The following EHBP1 variants were observed in gnomAD, a reference collection of about 807,000 sequenced individuals.
EHBP1 encodes the protein EH domain-binding protein 1.
EHBP1 carries 55 observed loss-of-function variants against 144.0 expected under a neutral mutation model. That is an observed-to-expected ratio of 0.38 (90% CI 0.31 to 0.48). The LOEUF is 0.48. EHBP1 is among the 20% of genes least tolerant of loss of function. The pLI, the probability that EHBP1 is intolerant of heterozygous loss-of-function variation, is 0.98. For missense variants in EHBP1, 1,200 were observed against 1,364.2 expected, an observed-to-expected ratio of 0.88 and a Z score of 1.90; for synonymous variants, 469 against 472.7, an observed-to-expected ratio of 0.99 and a Z score of 0.10.
chr2:62,820,710 G>GGTGTGT (rs374529607), intron 5 of EHBP1, among the ~76,000 whole-genome samples: 2 of 88,712 alleles, frequency 2.3e-5, no homozygotes, highest in Admixed American at 1.3e-4. Flanking sequence ...TATTCCATTG[G>GGTGTGT]GTGTGTGTGT....
At chr2:62,951,013 A>G (rs538864635) in intron 13 of EHBP1, among the ~76,000 whole-genome samples, 36 of 152,264 alleles carry the variant, frequency 2.4e-4, no homozygotes, top group African/African-American at 8.4e-4. Context: ...GCATTTCTCC[A>G]CAACTGTCTC....
At chr2:63,042,289 A>G (rs1028930957) in intron 21 of EHBP1, among the ~76,000 whole-genome samples, 1 of 152,162 alleles carries the variant, frequency 6.6e-6, no homozygotes, top group African/African-American at 2.4e-5. Flanking sequence ...TTCTCAAATT[A>G]GCATTCAAAT....
At chr2:62,991,507 A>G (rs893812743) in intron 16 of EHBP1, among the ~76,000 whole-genome samples, 2 of 152,158 alleles carry the variant, frequency 1.3e-5, no homozygotes, top group African/African-American at 2.4e-5. Flanking sequence ...GATGAACTAA[A>G]TGTATGTTAT....
chr2:62,678,449 T>C (rs62177747), intron 1 of EHBP1, among the ~76,000 whole-genome samples: 4,697 of 152,324 alleles, frequency 0.031, 94 homozygotes, highest in Non-Finnish European at 0.048. Context: ...TTCACTTTGT[T>C]AATGTTTCCT....
intron 9 of EHBP1, among the ~76,000 whole-genome samples, chr2:62,870,734 A>AAAAAAAAAATATATATATAT (rs2050404940): frequency 1.5e-5 from 2 of 136,622 alleles, no homozygotes; most frequent in South Asian, 4.4e-4. Context: ...AAAAAAAAAA[A>AAAAAAAAAATATATATATAT]ATACATATAT....
intron 14 of EHBP1, among the ~76,000 whole-genome samples, chr2:62,957,846 C>T (rs2057789286): frequency 1.3e-5 from 2 of 151,900 alleles, no homozygotes; most frequent in Non-Finnish European, 2.9e-5. Flanking sequence ...CAGGGTTTCA[C>T]CGTGATAGCC....
intron 8 of EHBP1, among the ~76,000 whole-genome samples, chr2:62,863,957 C>T (rs1018417727): frequency 2.0e-5 from 3 of 148,262 alleles, no homozygotes; most frequent in African/African-American, 7.4e-5. Context: ...GGCGATTCTC[C>T]TGCCTCAGCC....
At chr2:62,821,670 A>AC (rs2045991000) in intron 5 of EHBP1, among the ~76,000 whole-genome samples, 1 of 152,152 alleles carries the variant, frequency 6.6e-6, no homozygotes, top group South Asian at 2.1e-4. Flanking sequence ...ACAGAGTGAG[A>AC]CCGTGGCTCA....
intron 10 of EHBP1, among the ~76,000 whole-genome samples, chr2:62,932,519 A>C (rs28869326): frequency 6.6e-6 from 1 of 152,120 alleles, no homozygotes; most frequent in African/African-American, 2.4e-5. Context: ...TCAAGATCAC[A>C]GAAACAGAAA....
intron 1 of EHBP1, among the ~76,000 whole-genome samples, chr2:62,694,953 T>C (rs2034035431): frequency 6.6e-6 from 1 of 152,150 alleles, no homozygotes; most frequent in East Asian, 1.9e-4. Context: ...ATATGTCATA[T>C]ATAAGAGGGG....
intron 1 of EHBP1, among the ~76,000 whole-genome samples, chr2:62,679,856 GA>G (rs1219053129): frequency 6.6e-6 from 1 of 152,160 alleles, no homozygotes; most frequent in African/African-American, 2.4e-5. Context: ...AGGCCTGGAG[GA>G]AAACCACAGC....
chr2:62,933,748 T>C (rs1334202315), intron 10 of EHBP1, among the ~76,000 whole-genome samples: 1 of 152,208 alleles, frequency 6.6e-6, no homozygotes, highest in Admixed American at 6.5e-5. Context: ...TATCATGATT[T>C]TATAGTAATC....
intron 2 of EHBP1, among the ~76,000 whole-genome samples, chr2:62,746,151 G>T (rs2039129798): frequency 6.6e-6 from 1 of 151,990 alleles, no homozygotes; most frequent in South Asian, 2.1e-4. Flanking sequence ...TTGTTAACTT[G>T]CCATCATAGA....
chr2:62,921,698 A>C (rs1253729290), intron 10 of EHBP1, among the ~76,000 whole-genome samples: 1 of 152,210 alleles, frequency 6.6e-6, no homozygotes, highest in African/African-American at 2.4e-5. Flanking sequence ...TGTAGGGATT[A>C]GGGATACCAA....
chr2:62,700,593 G>A (rs1183607103), intron 1 of EHBP1, among the ~76,000 whole-genome samples: 1 of 152,160 alleles, frequency 6.6e-6, no homozygotes, highest in East Asian at 1.9e-4. Context: ...GCTGTGCAGT[G>A]CCTCTGTACC....
intron 5 of EHBP1, among the ~76,000 whole-genome samples, chr2:62,824,359 A>G (rs1369980847): frequency 2.0e-5 from 3 of 151,968 alleles, no homozygotes; most frequent in Non-Finnish European, 4.4e-5. Context: ...TTTAAATCCT[A>G]TATTATATGT....
chr2:62,678,867 T>C (rs1317010772), intron 1 of EHBP1, among the ~76,000 whole-genome samples: 1 of 152,200 alleles, frequency 6.6e-6, no homozygotes, highest in Non-Finnish European at 1.5e-5. Context: ...ATAACCCATT[T>C]CTTACTCAGA....
intron 2 of EHBP1, among the ~76,000 whole-genome samples, chr2:62,737,776 T>A (rs2152081115): frequency 6.6e-6 from 1 of 152,270 alleles, no homozygotes; most frequent in Non-Finnish European, 1.5e-5. Context: ...AAAGAGTTTT[T>A]TTTTAGAGGC....
chr2:62,696,883 TTCTATC>T (rs2034120882), intron 1 of EHBP1, among the ~76,000 whole-genome samples: 1 of 152,214 alleles, frequency 6.6e-6, no homozygotes, highest in South Asian at 2.1e-4. Context: ...CCTTTAATTA[TTCTATC>T]TCTAAGGATA....
Sources: gnomAD v4.1 joint callset for allele counts (sites outside exome capture counted in the v4.1 genomes callset) on GRCh38, gnomAD v4.1.1 for gene constraint, MANE v1.5 for transcripts, NCBI Gene and HGNC (gene_info 2026-07-23, HGNC 2026-07-21) for gene names.